The following FSHR variants were observed in gnomAD, a reference collection of about 807,000 sequenced individuals.
The protein encoded by FSHR is follicle stimulating hormone receptor.
FSHR carries 46 observed loss-of-function variants against 52.1 expected under a neutral mutation model. The observed-to-expected ratio is 0.88, with a 90% CI of 0.70 to 1.13. The LOEUF is 1.13. Among genes scored for constraint, FSHR ranks in the 50% most tolerant of loss-of-function variants. FSHR has a pLI of 0.00. For missense variants in FSHR, 964 were observed against 834.6 expected (o/e 1.16, Z -1.91); for synonymous variants, 399 against 309.6 (o/e 1.29, Z -3.03).
At chr2:49,051,390 G>A (rs533938722) in intron 2 of FSHR, among the ~76,000 whole-genome samples, 3 of 152,126 alleles carry the variant, frequency 2.0e-5, no homozygotes, top group African/African-American at 7.2e-5. Context: ...TAATGGGTAT[G>A]TAATAGTATT....
intron 8 of FSHR, among the ~76,000 whole-genome samples, chr2:48,976,018 C>T (rs1214965399): frequency 6.6e-6 from 1 of 152,176 alleles, no homozygotes; most frequent in Admixed American, 6.5e-5. Context: ...ACTTCCAACA[C>T]TGTGTTGAAT....
chr2:48,983,185 T>G lies in FSHR; in HGVS notation c.525-19A>C. The G allele has an allele frequency of 6.2e-7, 1 of 1,609,892 alleles. No individual in the cohort carries two copies. The highest frequency in any genetic ancestry group is 8.5e-7 in the Non-Finnish European group (1 of 1,176,340). ...CAGCCATCTGAAATAAAAGGCCTATTAAAAAACCAATAATGTCAGATGCAA... is the reference window on the plus strand; with the variant it reads ...CAGCCATCTGAAATAAAAGGCCTATGAAAAAACCAATAATGTCAGATGCAA... On this transcript the variant is annotated intron_variant, in intron 6 of 9. Transcript: ENST00000406846.
At chr2:49,152,150 C>T (rs62164267) in intron 1 of FSHR, among the ~76,000 whole-genome samples, 2 of 152,130 alleles carry the variant, frequency 1.3e-5, no homozygotes, top group Non-Finnish European at 2.9e-5. Context: ...AAAATCCTAA[C>T]ACCTGGCAGG....
chr2:49,072,349 T>C (rs1428335389), intron 1 of FSHR, among the ~76,000 whole-genome samples: 1 of 152,138 alleles, frequency 6.6e-6, no homozygotes, highest in East Asian at 1.9e-4. Flanking sequence ...ATACAACATG[T>C]CAAACTCATT....
At chr2:48,979,448 C>G (rs184717838) in intron 8 of FSHR, among the ~76,000 whole-genome samples, 2 of 152,022 alleles carry the variant, frequency 1.3e-5, no homozygotes, top group African/African-American at 2.4e-5. Flanking sequence ...AAACACCCCC[C>G]CAAAACCTAC....
intron 1 of FSHR, among the ~76,000 whole-genome samples, chr2:49,088,340 C>G (rs539081910): frequency 2.0e-5 from 3 of 152,040 alleles, no homozygotes; most frequent in Non-Finnish European, 4.4e-5. Context: ...AGCAGTCATG[C>G]GAGGTTGTGC....
At chr2:49,137,368 C>T (rs934598874) in intron 1 of FSHR, among the ~76,000 whole-genome samples, 31 of 152,120 alleles carry the variant, frequency 2.0e-4, no homozygotes, top group African/African-American at 7.5e-4. Context: ...GAAAGTATTA[C>T]ATATTCATAG....
rs765766327 is a variant in FSHR at position 49,154,430 on chromosome 2, A to G, written c.-13T>C. ...GGAGCAGGGCCATAATTATGCATCC[A>G]TCCACCTGATTTCTTCCTGCATTTG... On this transcript the variant is annotated 5_prime_UTR_variant, in exon 1 of 10. An upstream start codon of the reference 5' UTR is lost. Coordinates refer to ENST00000406846, the MANE Select transcript of FSHR (RefSeq NM_000145.4). 1 of 1,611,836 alleles carries G rather than the reference A, an allele frequency of 6.2e-7. No homozygotes were observed. The highest frequency in any genetic ancestry group is 1.1e-5 in the South Asian group (1 of 90,994).
At chr2:49,080,255 G>C (rs1670117859) in intron 1 of FSHR, among the ~76,000 whole-genome samples, 2 of 152,080 alleles carry the variant, frequency 1.3e-5, no homozygotes, top group Non-Finnish European at 2.9e-5. Context: ...CTTGATGGAA[G>C]GATAATTTGC....
chr2:49,107,939 A>G lies in FSHR; in HGVS notation c.153-39649T>C, dbSNP rs761320760. 2.0e-4 allele frequency among the ~76,000 whole-genome samples: 31 copies of G among 152,172 alleles called. 1 individual carries two copies. Among genetic ancestry groups the G allele is most frequent in the East Asian group, 1.9e-4 (1 of 5,194 alleles). ...TTCCTTACCTGGACACATCAATAGTATGATCATGAAGGTTTTCTGTCAACC... is the reference window on the plus strand; with the variant it reads ...TTCCTTACCTGGACACATCAATAGTGTGATCATGAAGGTTTTCTGTCAACC... On this transcript the variant is annotated intron_variant, in intron 1 of 9. Coordinates refer to ENST00000406846, the MANE Select transcript of FSHR (RefSeq NM_000145.4).
intron 4 of FSHR, among the ~76,000 whole-genome samples, chr2:48,991,104 C>G (rs552666641): frequency 9.3e-5 from 14 of 149,906 alleles, no homozygotes; most frequent in African/African-American, 3.0e-4. Flanking sequence ...CAATCAGACT[C>G]TCTCCTGGGA....
intron 1 of FSHR, 105 bp downstream of exon 1, chr2:49,154,161 A>C: frequency 8.2e-7 from 1 of 1,220,190 alleles, no homozygotes; most frequent in South Asian, 1.3e-5. Flanking sequence ...GTCAAGGGGC[A>C]GAAATATTTC....
At chr2:49,046,093 C>T (rs955629851) in intron 2 of FSHR, among the ~76,000 whole-genome samples, 2 of 152,144 alleles carry the variant, frequency 1.3e-5, no homozygotes, top group African/African-American at 4.8e-5. Flanking sequence ...CATCTCCTCA[C>T]CTGTGAGGTA....
intron 2 of FSHR, among the ~76,000 whole-genome samples, chr2:49,041,975 G>A (rs1668493363): frequency 6.6e-6 from 1 of 152,084 alleles, no homozygotes; most frequent in Admixed American, 6.5e-5. Flanking sequence ...GTGGGACTGT[G>A]TCTATAAGAA....
intron 1 of FSHR, among the ~76,000 whole-genome samples, chr2:49,126,787 T>G (rs965786974): frequency 2.0e-5 from 3 of 152,328 alleles, no homozygotes; most frequent in African/African-American, 7.2e-5. Context: ...GTCTTTTCAC[T>G]TCTAATCTTG....
At chr2:49,109,298 G>A (rs1295368115) in intron 1 of FSHR, among the ~76,000 whole-genome samples, 1 of 152,108 alleles carries the variant, frequency 6.6e-6, no homozygotes, top group Non-Finnish European at 1.5e-5. Context: ...AGACACTTGA[G>A]AGGGGAGTTG....
intron 2 of FSHR, among the ~76,000 whole-genome samples, chr2:49,036,456 A>G (rs1449071032): frequency 6.6e-6 from 1 of 151,306 alleles, no homozygotes; most frequent in Non-Finnish European, 1.5e-5. Context: ...AAATCATGTT[A>G]TATATTGTTA....
intron 1 of FSHR, among the ~76,000 whole-genome samples, chr2:49,110,001 A>G (rs1267342205): frequency 6.6e-6 from 1 of 152,170 alleles, no homozygotes; most frequent in Non-Finnish European, 1.5e-5. Flanking sequence ...AGGCAGGGTC[A>G]GAACAGTTGC....
intron 8 of FSHR, among the ~76,000 whole-genome samples, chr2:48,973,678 G>T (rs564855146): frequency 7.9e-5 from 12 of 152,294 alleles, no homozygotes; most frequent in Non-Finnish European, 1.5e-4. Context: ...AAGGTATAAG[G>T]CTCTCGCATT....
Sources: allele counts gnomAD v4.1 joint callset (sites outside exome capture counted in the v4.1 genomes callset), GRCh38; gene constraint gnomAD v4.1.1; transcripts MANE v1.5; gene names NCBI Gene and HGNC (gene_info 2026-07-23, HGNC 2026-07-21).